DHCR24: variants seen among roughly 807,000 people sequenced by gnomAD.
DHCR24 encodes 24-dehydrocholesterol reductase.
A neutral mutation model predicts 61.2 loss-of-function variants in DHCR24; 28 were observed. The observed-to-expected ratio is 0.46, with a 90% CI of 0.34 to 0.63. The LOEUF is 0.63. Among genes scored for constraint, DHCR24 ranks in the 20% least tolerant of loss-of-function variants. DHCR24 has a pLI of 0.01. For synonymous variants in DHCR24, 261 were observed against 275.9 expected, an observed-to-expected ratio of 0.95 and a Z score of 0.54; for missense variants, 538 against 679.1, an observed-to-expected ratio of 0.79 and a Z score of 2.31.
At chr1:54,886,622 G>C (rs1647098186) in intron 1 of DHCR24, 1 of 1,476,838 alleles carries the variant, frequency 6.8e-7, no homozygotes, top group Non-Finnish European at 9.0e-7. Flanking sequence ...AGTTACCTGA[G>C]TGCTTCGCAC....
At chr1:54,882,579 C>A (rs1485542697) in intron 2 of DHCR24, among the ~76,000 whole-genome samples, 1 of 152,180 alleles carries the variant, frequency 6.6e-6, no homozygotes, top group Non-Finnish European at 1.5e-5. Context: ...CAAACTGGAG[C>A]CAGCCAAAAT....
At chr1:54,858,136 G>A (rs12117617) in intron 6 of DHCR24, among the ~76,000 whole-genome samples, 4,533 of 152,352 alleles carry the variant, frequency 0.03, 157 homozygotes, top group East Asian at 0.17. Flanking sequence ...AGGATGCTGC[G>A]CGCAGATGCC....
Position 54,853,426 on chromosome 1 carries a change from C to T in DHCR24, c.1397+8G>A. ...TAGAGGCAACATACTATACTCTGGG[C>T]CACTCACCCATGCACGCTGCGGACA... On this transcript the variant is annotated splice_region_variant and intron_variant, in intron 8 of 8. Transcript: ENST00000371269. 1 of 1,614,144 alleles carries T rather than the reference C, an allele frequency of 6.2e-7. No homozygotes were observed. Among genetic ancestry groups the T allele is most frequent in the Non-Finnish European group, 8.5e-7 (1 of 1,180,008 alleles).
At chr1:54,853,965 C>G (rs890780539) in intron 7 of DHCR24, 72 bp downstream of exon 7, 1 of 1,468,756 alleles carries the variant, frequency 6.8e-7, no homozygotes, top group African/African-American at 1.4e-5. Context: ...GTCGGTCACA[C>G]GGTTCAGGGG....
intron 6 of DHCR24, among the ~76,000 whole-genome samples, chr1:54,859,647 T>C (rs1399768542): frequency 2.0e-5 from 3 of 152,146 alleles, no homozygotes; most frequent in African/African-American, 7.2e-5. Context: ...GTATTTTTAG[T>C]AGAGACAGGG....
Position 54,854,083 on chromosome 1 carries a change from A to C in DHCR24, c.1172T>G (p.Met391Arg). 1.2e-6 allele frequency: 2 copies of C among 1,613,930 alleles called. No individual in the cohort carries two copies. The highest frequency in any genetic ancestry group is 1.7e-6 in the Non-Finnish European group (2 of 1,179,914). The change falls in exon 7 of 9, where the codon ATG becomes AGG. Residue 391 changes from methionine (M) to arginine (R), a missense_variant. Transcript: ENST00000371269. ...GTGCAGGGCCTGCTGCAGGCACTTC[A>C]TGGGCACCAGCATGTCCTGCACCAC... ...HHVVQDMLVP[M>R]KCLQQALHTF...
At chr1:54,878,151 G>A (rs1246437826) in intron 2 of DHCR24, among the ~76,000 whole-genome samples, 2 of 151,632 alleles carry the variant, frequency 1.3e-5, no homozygotes, top group Non-Finnish European at 2.9e-5. Flanking sequence ...AGTACTAATC[G>A]GTAAATACAC....
At chr1:54,867,633 C>G (rs1348232593) in intron 5 of DHCR24, among the ~76,000 whole-genome samples, 1 of 152,152 alleles carries the variant, frequency 6.6e-6, no homozygotes, top group Non-Finnish European at 1.5e-5. Context: ...ACTTTGGGTA[C>G]AGTGGGGGTG....
intron 2 of DHCR24, among the ~76,000 whole-genome samples, chr1:54,878,219 TAA>T (rs1647044703): frequency 6.6e-6 from 1 of 150,546 alleles, no homozygotes; most frequent in Non-Finnish European, 1.5e-5. Flanking sequence ...AGACAACAGG[TAA>T]TAGGCTAGGC....
chr1:54,868,267 G>A (rs612551), intron 5 of DHCR24, among the ~76,000 whole-genome samples: 2,913 of 152,166 alleles, frequency 0.019, 104 homozygotes, highest in African/African-American at 0.067. Flanking sequence ...TCAGGAGATC[G>A]AGACAATCCT....
At chr1:54,869,588 TACACAC>T (rs35058139) in intron 5 of DHCR24, among the ~76,000 whole-genome samples, 1 of 150,354 alleles carries the variant, frequency 6.7e-6, no homozygotes. Context: ...CACATACATA[TACACAC>T]ACACACACAC....
chr1:54,879,053 C>T (rs1447419221), intron 2 of DHCR24, among the ~76,000 whole-genome samples: 1 of 152,150 alleles, frequency 6.6e-6, no homozygotes, highest in Non-Finnish European at 1.5e-5. Context: ...GGTGCAATGC[C>T]TCACACCTGT....
chr1:54,857,610 A>C (rs1646914322), intron 6 of DHCR24, among the ~76,000 whole-genome samples: 1 of 152,230 alleles, frequency 6.6e-6, no homozygotes, highest in African/African-American at 2.4e-5. Context: ...CAAGAAATAC[A>C]TATACATGAG....
chr1:54,878,593 T>C (rs1305363059), intron 2 of DHCR24, among the ~76,000 whole-genome samples: 1 of 150,452 alleles, frequency 6.6e-6, no homozygotes, highest in Non-Finnish European at 1.5e-5. Context: ...AGATAGTGTC[T>C]GTTCCCACAA....
At chr1:54,886,289 G>A (rs1647095634) in intron 1 of DHCR24, among the ~76,000 whole-genome samples, 1 of 152,194 alleles carries the variant, frequency 6.6e-6, no homozygotes, top group African/African-American at 2.4e-5. Context: ...CAGAGGCTGT[G>A]AGGTTCTTCC....
At chr1:54,880,097 C>G (rs559017383) in intron 2 of DHCR24, among the ~76,000 whole-genome samples, 1 of 152,172 alleles carries the variant, frequency 6.6e-6, no homozygotes, top group African/African-American at 2.4e-5. Flanking sequence ...AATTCAATAG[C>G]CTTTAGCCAG....
At chr1:54,882,940 G>T (rs963828173) in intron 2 of DHCR24, among the ~76,000 whole-genome samples, 1 of 151,936 alleles carries the variant, frequency 6.6e-6, no homozygotes, top group African/African-American at 2.4e-5. Flanking sequence ...CTTGATTGTG[G>T]TAAGAGTTTT....
At chr1:54,882,277 G>A (rs963088724) in intron 2 of DHCR24, among the ~76,000 whole-genome samples, 52 of 152,194 alleles carry the variant, frequency 3.4e-4, no homozygotes, top group African/African-American at 1.2e-3. Flanking sequence ...CTAGGGAAAT[G>A]TGAATTAAAA....
intron 6 of DHCR24, among the ~76,000 whole-genome samples, chr1:54,864,848 G>A (rs1450704087): frequency 6.8e-6 from 1 of 147,752 alleles, no homozygotes; most frequent in Non-Finnish European, 1.5e-5. Flanking sequence ...AAGTGTCACT[G>A]CTCCTCATCC....
Sources: allele counts gnomAD v4.1 joint callset (sites outside exome capture counted in the v4.1 genomes callset), GRCh38; gene constraint gnomAD v4.1.1; transcripts MANE v1.5; gene names NCBI Gene and HGNC (gene_info 2026-07-23, HGNC 2026-07-21).